Variants in GLIPR1L1 observed in about 807,000 individuals in gnomAD.
GLIPR1L1 encodes the protein GLIPR1-like protein 1.
GLIPR1L1 carries 26 observed loss-of-function variants against 29.9 expected under a neutral mutation model. The ratio of observed to expected loss-of-function variants is 0.87; its 90% CI spans 0.64 to 1.21. The LOEUF is 1.21. Among genes scored for constraint, GLIPR1L1 ranks in the 50% most tolerant of loss-of-function variants. The pLI is 0.00. For missense variants in GLIPR1L1, 305 were observed against 290.3 expected (o/e 1.05, Z -0.37); for synonymous variants, 77 against 97.5 (o/e 0.79, Z 1.24).
chr12:75,355,823 T>C (rs1224497768), intron 3 of GLIPR1L1, among the ~76,000 whole-genome samples: 1 of 152,216 alleles, frequency 6.6e-6, no homozygotes, highest in African/African-American at 2.4e-5. Flanking sequence ...TCATGTCATT[T>C]GCAGGGACAT....
At position 75,353,372 on chromosome 12, in the gene GLIPR1L1, T is replaced by C. The variant is rs1593756232; in HGVS notation, c.521+5650T>C. Among the ~76,000 whole-genome samples the C allele has an allele frequency of 3.3e-5, 5 of 152,274 alleles. 1 individual carries two copies. The highest frequency in any genetic ancestry group is 7.4e-5 in the Non-Finnish European group (5 of 68,002). ...TCAGAGAATACTATAAACACCTCTG[T>C]GCAAATCACTTGGAAAATCTAGAAG... On this transcript the variant is annotated intron_variant, in intron 3 of 5. Coordinates refer to ENST00000378695, the MANE Select transcript of GLIPR1L1 (RefSeq NM_001304964.2).
intron 3 of GLIPR1L1, among the ~76,000 whole-genome samples, chr12:75,362,601 A>C (rs1249620024): frequency 6.6e-6 from 1 of 152,154 alleles, no homozygotes; most frequent in Non-Finnish European, 1.5e-5. Context: ...CACATTTTTA[A>C]ATCTTTCACA....
At chr12:75,351,829 G>A (rs2139448406) in intron 3 of GLIPR1L1, among the ~76,000 whole-genome samples, 1 of 152,314 alleles carries the variant, frequency 6.6e-6, no homozygotes, top group Non-Finnish European at 1.5e-5. Context: ...TTACAGGCAT[G>A]AGCCATCGTG....
chr12:75,342,232 G>A (rs1238663535), intron 1 of GLIPR1L1, among the ~76,000 whole-genome samples: 1 of 152,110 alleles, frequency 6.6e-6, no homozygotes, highest in East Asian at 1.9e-4. Context: ...ATTTATACAT[G>A]TGATAAAATC....
At chr12:75,345,224 T>A (rs985124847) in intron 2 of GLIPR1L1, among the ~76,000 whole-genome samples, 1 of 152,166 alleles carries the variant, frequency 6.6e-6, no homozygotes, top group Non-Finnish European at 1.5e-5. Flanking sequence ...ATCTAGAAAC[T>A]GTCTCCAGGC....
intron 1 of GLIPR1L1, among the ~76,000 whole-genome samples, chr12:75,342,463 T>G (rs1036470327): frequency 1.3e-5 from 2 of 152,214 alleles, no homozygotes; most frequent in African/African-American, 2.4e-5. Flanking sequence ...AAAAGATGTT[T>G]AAAAATAACC....
chr12:75,335,390 A>T (rs564557251), intron 1 of GLIPR1L1, among the ~76,000 whole-genome samples: 3 of 152,250 alleles, frequency 2.0e-5, no homozygotes, highest in Admixed American at 6.5e-5. Context: ...CTATTGAAGA[A>T]TAAGCATAAA....
chr12:75,334,998 C>A, intron 1 of GLIPR1L1, 96 bp downstream of exon 1: 1 of 1,222,766 alleles, frequency 8.2e-7, no homozygotes, highest in Non-Finnish European at 1.1e-6. Flanking sequence ...TAATTCAATC[C>A]GGACTTTACA....
chr12:75,359,408 C>A (rs1593800356), intron 3 of GLIPR1L1, among the ~76,000 whole-genome samples: 1 of 89,402 alleles, frequency 1.1e-5, no homozygotes, highest in Non-Finnish European at 2.0e-5. Context: ...TCTATGAATT[C>A]AAGACAATCC....
intron 4 of GLIPR1L1, 55 bp downstream of exon 4, chr12:75,363,245 T>G: frequency 3.7e-6 from 3 of 821,708 alleles, no homozygotes; most frequent in Non-Finnish European, 5.2e-6. Context: ...TTCCATATAT[T>G]TATTAAATTT....
chr12:75,364,712 T>C (rs2043848382), intron 4 of GLIPR1L1: 1 of 152,216 alleles, frequency 6.6e-6, no homozygotes. Context: ...ACACAGAACA[T>C]AAGCATTATT....
intron 1 of GLIPR1L1, among the ~76,000 whole-genome samples, chr12:75,342,473 C>T (rs899410354): frequency 6.6e-6 from 1 of 152,024 alleles, no homozygotes; most frequent in African/African-American, 2.4e-5. Flanking sequence ...TAAAAATAAC[C>T]TTGGCAATTA....
At chr12:75,360,866 T>C (rs74974585) in intron 3 of GLIPR1L1, 5,767 of 152,270 alleles carry the variant, frequency 0.038, 126 homozygotes, top group East Asian at 0.052. Flanking sequence ...GGCATTTCCA[T>C]ATGTCCTCTG....
chr12:75,366,108 T>C (rs1271654484), intron 4 of GLIPR1L1, among the ~76,000 whole-genome samples: 1 of 152,196 alleles, frequency 6.6e-6, no homozygotes, highest in Non-Finnish European at 1.5e-5. Flanking sequence ...TTAAGTCATG[T>C]GAACTTGAAA....
chr12:75,363,263 T>G (rs2043738498), intron 4 of GLIPR1L1, 73 bp downstream of exon 4: 1 of 692,396 alleles, frequency 1.4e-6, no homozygotes, highest in Non-Finnish European at 2.1e-6. Context: ...TTTTAAAATT[T>G]GGCTTCTCAA....
intron 4 of GLIPR1L1, chr12:75,365,054 A>G (rs147139791): frequency 1.0e-3 from 157 of 152,244 alleles, no homozygotes; most frequent in African/African-American, 3.5e-3. Flanking sequence ...ATCTGAACTA[A>G]TTATATCCCT....
intron 3 of GLIPR1L1, among the ~76,000 whole-genome samples, chr12:75,359,093 A>G (rs1488251510): frequency 6.6e-6 from 1 of 150,544 alleles, no homozygotes; most frequent in Non-Finnish European, 1.5e-5. Context: ...TCTAAAACAA[A>G]TAAGTTTAGC....
chr12:75,368,295 T>C (rs903068810), intron 4 of GLIPR1L1, among the ~76,000 whole-genome samples: 14 of 151,666 alleles, frequency 9.2e-5, no homozygotes, highest in African/African-American at 3.4e-4. Flanking sequence ...TGCTTGGCCA[T>C]ATAATTTTCC....
chr12:75,340,014 T>C (rs2041994676), intron 1 of GLIPR1L1, among the ~76,000 whole-genome samples: 1 of 152,108 alleles, frequency 6.6e-6, no homozygotes, highest in African/African-American at 2.4e-5. Flanking sequence ...TCATTTTCCA[T>C]TCCTGAGTTA....
Sources: gnomAD v4.1 joint callset for allele counts (sites outside exome capture counted in the v4.1 genomes callset) on GRCh38, gnomAD v4.1.1 for gene constraint, MANE v1.5 for transcripts, NCBI Gene and HGNC (gene_info 2026-07-23, HGNC 2026-07-21) for gene names.